The following MACF1 variants were observed in gnomAD, a reference collection of about 807,000 sequenced individuals.
The protein encoded by MACF1 is microtubule actin crosslinking factor 1.
MACF1 carries 193 observed loss-of-function variants against 854.8 expected under a neutral mutation model. That is an observed-to-expected ratio of 0.23 (90% CI 0.20 to 0.25). The LOEUF (loss-of-function observed/expected upper bound fraction) is 0.25, where lower values mean the gene tolerates loss of function less well. Among genes scored for constraint, MACF1 ranks in the 10% least tolerant of loss-of-function variants. The pLI is 1.00. For missense variants in MACF1, 7,722 were observed against 8,929.1 expected (o/e 0.86, Z 5.45); for synonymous variants, 3,185 against 3,226.7 (o/e 0.99, Z 0.44).
chr1:39,094,236 G>A (rs1488606704), intron 2 of MACF1, among the ~76,000 whole-genome samples: 1 of 152,010 alleles, frequency 6.6e-6, no homozygotes, highest in African/African-American at 2.4e-5. Flanking sequence ...CTTGAAGCCA[G>A]GAGTTCGAGA....
intron 6 of MACF1, among the ~76,000 whole-genome samples, chr1:39,259,255 C>T (rs1381618295): frequency 6.6e-6 from 1 of 152,160 alleles, no homozygotes; most frequent in African/African-American, 2.4e-5. Context: ...TCTCTATTCA[C>T]CCCAACTACT....
At chr1:39,482,810 A>C (rs1459974193) in intron 99 of MACF1, among the ~76,000 whole-genome samples, 10 of 148,290 alleles carry the variant, frequency 6.7e-5, no homozygotes, top group African/African-American at 2.5e-4. Context: ...AAAAAAAAAA[A>C]AAAAACCCCA....
In MACF1 at chr1:39,387,873, A is replaced by C. The variant is rs779936761; in HGVS notation, c.15031A>C (p.Arg5011=). 1.2e-6 allele frequency: 2 copies of C among 1,614,028 alleles called. No individual in the cohort carries two copies. The highest frequency in any genetic ancestry group is 2.2e-5 in the South Asian group (2 of 91,078). The change falls in exon 58 of 101, where the codon AGG becomes CGG. Residue 5011 remains arginine, a synonymous_variant. Transcript: ENST00000564288. ...KTGSLEEMTQ[R]LREFQESFKN... is the part of the protein sequence containing the mutation. ...AGGGTCACTCGAAGAAATGACTCAG[A>C]GGCTCAGGGAGTTCCAGGAAAGCTT...
chr1:39,272,383 G>C (rs999062989), intron 6 of MACF1, among the ~76,000 whole-genome samples: 5 of 152,188 alleles, frequency 3.3e-5, no homozygotes, highest in African/African-American at 1.2e-4. Context: ...CCGATAGGCA[G>C]GGCAAGAGCA....
chr1:39,244,978 G>A (rs1037419900), intron 2 of MACF1, among the ~76,000 whole-genome samples: 2 of 152,158 alleles, frequency 1.3e-5, no homozygotes, highest in Admixed American at 6.5e-5. Context: ...CTCCCAAAGT[G>A]ATGGGATTAC....
intron 2 of MACF1, among the ~76,000 whole-genome samples, chr1:39,122,940 A>C (rs1642754386): frequency 6.6e-6 from 1 of 151,996 alleles, no homozygotes; most frequent in African/African-American, 2.4e-5. Flanking sequence ...TATGTAGCCT[A>C]CCTTAGAAAG....
At chr1:39,101,601 G>A (rs1257572945) in intron 2 of MACF1, among the ~76,000 whole-genome samples, 1 of 151,456 alleles carries the variant, frequency 6.6e-6, no homozygotes, top group African/African-American at 2.4e-5. Context: ...AAGGTGGGTG[G>A]TTCACGAGGT....
At position 39,113,999 on chromosome 1, in the gene MACF1, G is replaced by A. The variant is rs796755653; in HGVS notation, c.220+29561G>A. Among the ~76,000 whole-genome samples, 6 of 151,552 alleles carry A rather than the reference G, an allele frequency of 4.0e-5. 1 individual carries two copies. Among genetic ancestry groups the A allele is most frequent in the East Asian group, 1.9e-4 (1 of 5,162 alleles). ...TGTAGAGAGCCCAGATTGTGCCACT[G>A]TACTCCAGCCTGGGTGACAGAGTGA... On this transcript the variant is annotated intron_variant, in intron 2 of 93. Coordinates refer to the MACF1 transcript ENST00000361689.
chr1:39,414,049 C>G, intron 58 of MACF1: 1 of 1,606,262 alleles, frequency 6.2e-7, no homozygotes, highest in Non-Finnish European at 8.5e-7. Flanking sequence ...AGCTGCAGTG[C>G]TCACCCCAGA....
upstream of MACF1, among the ~76,000 whole-genome samples, chr1:39,200,977 A>G (rs1331404063): frequency 1.3e-5 from 2 of 152,170 alleles, no homozygotes; most frequent in Non-Finnish European, 2.9e-5. Context: ...TGTTATTCAA[A>G]AGGACATTTC....
intron 1 of MACF1, among the ~76,000 whole-genome samples, chr1:39,221,864 C>G (rs2148291550): frequency 6.6e-6 from 1 of 152,228 alleles, no homozygotes; most frequent in East Asian, 1.9e-4. Flanking sequence ...GGCCTTCAGT[C>G]CAAAGCCAGA....
At position 39,197,238 on chromosome 1, in the gene MACF1, A is replaced by AAT. The variant is rs1234544579; in HGVS notation, c.221-33938_221-33937dup. On this transcript the variant is annotated intron_variant, in intron 2 of 93. Coordinates refer to the MACF1 transcript ENST00000361689. Reference sequence around the variant, plus strand: ...CATATATATAATAAATATAAATATAAATATATACACACACACACACACAAG... The same window carrying AAT: ...CATATATATAATAAATATAAATATAAATATATATACACACACACACACACAAG... Among the ~76,000 whole-genome samples the AAT allele has an allele frequency of 2.6e-5, 4 of 151,534 alleles. No homozygotes were observed. In the South Asian group the frequency reaches 6.2e-4, roughly 24 times the overall value.
intron 58 of MACF1, among the ~76,000 whole-genome samples, chr1:39,421,666 A>G (rs1387251729): frequency 6.6e-6 from 1 of 152,236 alleles, no homozygotes; most frequent in South Asian, 2.1e-4. Flanking sequence ...CATCTTAAAT[A>G]CTAGTCATTT....
rs747352331 is a variant in MACF1, at chr1:39,413,194, C to T, written c.15817-9180C>T. The T allele has an allele frequency of 8.1e-6, 13 of 1,613,504 alleles. No individual in the cohort carries two copies. The South Asian group carries it at 1.4e-4, about 18-fold the overall frequency. On this transcript the variant is annotated intron_variant, in intron 58 of 100. Coordinates refer to ENST00000564288, the MANE Select transcript of MACF1 (RefSeq NM_001394062.1). Reference sequence around the variant, plus strand: ...TGGTACACCAGAAGGGCCTGTCACCCCAGCTACCACAGTGCATGCTCCAGA... The same window carrying T: ...TGGTACACCAGAAGGGCCTGTCACCTCAGCTACCACAGTGCATGCTCCAGA...
intron 58 of MACF1, among the ~76,000 whole-genome samples, chr1:39,397,396 T>C (rs1249271625): frequency 6.6e-6 from 1 of 152,078 alleles, no homozygotes; most frequent in African/African-American, 2.4e-5. Flanking sequence ...ACCCGGTCTC[T>C]ACTAAATATA....
intron 44 of MACF1, among the ~76,000 whole-genome samples, chr1:39,353,901 ACTGT>A (rs1449134155): frequency 2.6e-5 from 4 of 152,174 alleles, no homozygotes; most frequent in African/African-American, 7.2e-5. Context: ...GTTTAGAACC[ACTGT>A]CTGCTTTCAC....
At chr1:39,209,457 GGTTT>G (rs1644491173) in intron 1 of MACF1, among the ~76,000 whole-genome samples, 1 of 152,024 alleles carries the variant, frequency 6.6e-6, no homozygotes, top group Non-Finnish European at 1.5e-5. Flanking sequence ...AGAGCTTTAT[GGTTT>G]TTTTCCTCTC....
rs1392907103 is a variant in MACF1, at chr1:39,374,373, A to G, written c.13213+1777A>G. ...TATAGTCACTTAACGAGTAAAGGAA[A>G]AATTTATTTGCTTTCTGAAAATGTG... On this transcript the variant is annotated intron_variant, in intron 52 of 100. Transcript: ENST00000564288. Among the ~76,000 whole-genome samples the G allele has an allele frequency of 1.3e-5, 2 of 152,234 alleles. 1 individual carries two copies. The highest frequency in any genetic ancestry group is 1.3e-4 in the Admixed American group (2 of 15,286).
intron 90 of MACF1, chr1:39,458,811 A>G (rs868723709): frequency 2.0e-6 from 1 of 490,826 alleles, no homozygotes; most frequent in African/African-American, 1.9e-5. Flanking sequence ...CTTCTACAGA[A>G]TATGTTGCTT....
Sources: gnomAD v4.1 joint callset for allele counts (sites outside exome capture counted in the v4.1 genomes callset) on GRCh38, gnomAD v4.1.1 for gene constraint, MANE v1.5 for transcripts, NCBI Gene and HGNC (gene_info 2026-07-23, HGNC 2026-07-21) for gene names.